Variants in TM9SF2 observed in about 807,000 individuals in gnomAD.
The protein encoded by TM9SF2 is 76 kDa membrane protein.
A neutral mutation model predicts 84.9 loss-of-function variants in TM9SF2; 13 were observed. The observed-to-expected ratio is 0.15, with a 90% CI of 0.10 to 0.24. TM9SF2 has a LOEUF of 0.24. TM9SF2 is among the 10% of genes least tolerant of loss of function. The pLI is 1.00. For synonymous variants in TM9SF2, 273 were observed against 285.8 expected, an observed-to-expected ratio of 0.96 and a Z score of 0.45; for missense variants, 562 against 818.5, an observed-to-expected ratio of 0.69 and a Z score of 3.82.
At chr13:99,552,490 TAGAG>T (rs971791379) in intron 13 of TM9SF2, among the ~76,000 whole-genome samples, 164 bp downstream of exon 13, 7 of 152,184 alleles carry the variant, frequency 4.6e-5, no homozygotes, top group African/African-American at 1.7e-4. Context: ...AGGAGCGTGG[TAGAG>T]AGGTTACAGA....
chr13:99,528,507 G>T (rs1157042290), intron 3 of TM9SF2, among the ~76,000 whole-genome samples: 1 of 152,198 alleles, frequency 6.6e-6, no homozygotes, highest in Non-Finnish European at 1.5e-5. Flanking sequence ...CTAATGAAGT[G>T]AGCACTGGAT....
rs2046351549 is a variant in TM9SF2 at position 99,563,184 on chromosome 13, C to G, written c.*426C>G. 1 of 154,348 alleles carries G rather than the reference C, an allele frequency of 6.5e-6. No individual in the cohort carries two copies. The highest frequency in any genetic ancestry group is 1.4e-5 in the Non-Finnish European group (1 of 69,616). The allele number at this position is 154,348 out of a possible 1,614,324, so 9.6% of individuals were successfully genotyped here. ...TTCTTTGAAGGAAATAACTTTTTAT[C>G]ATGGTAATTTTGAAGGATGATTCCT... is the stretch of plus-strand genomic sequence containing the variant. On this transcript the variant is annotated 3_prime_UTR_variant, in exon 17 of 17. Transcript: ENST00000376387.
chr13:99,558,356 T>G (rs4771336), intron 15 of TM9SF2, among the ~76,000 whole-genome samples: 106,350 of 152,144 alleles, frequency 0.7, 38,847 homozygotes, highest in Middle Eastern at 0.82. Flanking sequence ...CTGCAAAAAT[T>G]GAATCATTGG....
At chr13:99,504,017 G>A (rs1345518631) in intron 1 of TM9SF2, among the ~76,000 whole-genome samples, 1 of 152,216 alleles carries the variant, frequency 6.6e-6, no homozygotes, top group African/African-American at 2.4e-5. Flanking sequence ...AGAAGAGCAG[G>A]AGGGTGTACT....
rs771794251 is a variant in TM9SF2 at position 99,552,122 on chromosome 13, T to G, written c.1329-45T>G. The G allele has an allele frequency of 7.0e-6, 11 of 1,580,242 alleles. No individual in the cohort carries two copies. In the Admixed American group the frequency reaches 1.4e-4, roughly 20 times the overall value. ...ATATTAATTACATACTACTGTTGCA[T>G]TTTGTTATCTCTGGTTTTACCCAAA... On this transcript the variant is annotated intron_variant, in intron 12 of 16. Transcript: ENST00000376387.
At chr13:99,539,747 T>C (rs1307318547) in intron 7 of TM9SF2, among the ~76,000 whole-genome samples, 190 bp downstream of exon 7, 1 of 152,148 alleles carries the variant, frequency 6.6e-6, no homozygotes, top group East Asian at 1.9e-4. Flanking sequence ...TAAATGAGAA[T>C]ATAGAGGAAG....
rs765420381 is a variant in TM9SF2, at chr13:99,555,522, G to T, written c.1641-14G>T. The T allele has an allele frequency of 6.4e-7, 1 of 1,550,562 alleles. No homozygotes were observed. Among genetic ancestry groups the T allele is most frequent in the Non-Finnish European group, 8.9e-7 (1 of 1,123,526 alleles). On this transcript the variant is annotated splice_polypyrimidine_tract_variant and intron_variant, in intron 14 of 16. Coordinates refer to ENST00000376387, the MANE Select transcript of TM9SF2 (RefSeq NM_004800.3). ...AAAATATTTATAGTTCCTTCTTGAC[G>T]TGTTTGATTATAGGTCACACCAGAT...
At chr13:99,532,451 A>T (rs2046215022) in intron 4 of TM9SF2, among the ~76,000 whole-genome samples, 1 of 152,008 alleles carries the variant, frequency 6.6e-6, no homozygotes, top group Non-Finnish European at 1.5e-5. Flanking sequence ...GCATTTTGGG[A>T]GGCCAAGGCA....
intron 3 of TM9SF2, among the ~76,000 whole-genome samples, chr13:99,522,210 G>A (rs1269946012): frequency 6.6e-6 from 1 of 152,102 alleles, no homozygotes; most frequent in African/African-American, 2.4e-5. Context: ...TCGTAGAGAT[G>A]GGGTTTTGCC....
At chr13:99,524,294 G>A (rs751115903) in intron 3 of TM9SF2, among the ~76,000 whole-genome samples, 3 of 152,142 alleles carry the variant, frequency 2.0e-5, no homozygotes, top group Non-Finnish European at 4.4e-5. Context: ...ACTTGGGAAG[G>A]GTGAGGGGGT....
rs1313911179 is a variant in TM9SF2, at chr13:99,539,554, C to T, written c.825C>T (p.Phe275=). 20 of 1,569,096 alleles carry T rather than the reference C, an allele frequency of 1.3e-5. No homozygotes were observed. The highest frequency in any genetic ancestry group is 4.1e-5 in the African/African-American group (3 of 73,944). The change falls in exon 7 of 17, where the codon TTC becomes TTT. Residue 275 remains phenylalanine (F), a synonymous_variant. Transcript: ENST00000376387. ...TTGCCTATACTTACTCTGTTAGCTT[C>T]GAGGTGAGTCTGTTGTTATCTTTAG... ...IKIAYTYSVS[F]EEDDKIRWAS... is the part of the protein sequence containing the mutation.
intron 2 of TM9SF2, 62 bp downstream of exon 2, chr13:99,517,743 T>C: frequency 1.7e-6 from 2 of 1,179,362 alleles, no homozygotes; most frequent in South Asian, 3.0e-5. Flanking sequence ...TTTTGTACAT[T>C]GAGAACTTTG....
chr13:99,557,920 T>C (rs1329503337), intron 15 of TM9SF2, among the ~76,000 whole-genome samples: 1 of 152,200 alleles, frequency 6.6e-6, no homozygotes, highest in Non-Finnish European at 1.5e-5. Context: ...TTATGAAGAT[T>C]TACCCCCATG....
At position 99,554,440 on chromosome 13, in the gene TM9SF2, T is replaced by C; in HGVS notation, c.1625T>C (p.Ile542Thr). Residue 542 changes from isoleucine to threonine, a missense_variant, in exon 14 of 17, where the codon ATT (isoleucine) becomes ACT (threonine). Physicochemically the swap from Ile to Thr is moderately conservative, Grantham distance 89. Coordinates refer to ENST00000376387, the MANE Select transcript of TM9SF2 (RefSeq NM_004800.3). ...FGCIFIQLFFILNSIWSHQMY... is the reference protein window; with the variant it reads ...FGCIFIQLFFTLNSIWSHQMY... Reference sequence around the variant, plus strand: ...TGCATCTTTATACAACTTTTCTTCATTCTGAATAGTATTTGGTAAGCTAAG... The same window carrying C: ...TGCATCTTTATACAACTTTTCTTCACTCTGAATAGTATTTGGTAAGCTAAG... 6.2e-7 allele frequency: 1 copy of C among 1,614,134 alleles called. No individual in the cohort carries two copies. Among genetic ancestry groups the C allele is most frequent in the Non-Finnish European group, 8.5e-7 (1 of 1,179,990 alleles).
At chr13:99,539,994 A>C (rs965130124) in intron 7 of TM9SF2, among the ~76,000 whole-genome samples, 2 of 152,212 alleles carry the variant, frequency 1.3e-5, no homozygotes, top group African/African-American at 4.8e-5. Context: ...TTAAAATGCA[A>C]ATTCATTGTT....
Position 99,526,694 on chromosome 13 carries a change from G to T in TM9SF2, c.334-2773G>T, listed in dbSNP as rs114773462. On this transcript the variant is annotated intron_variant, in intron 3 of 16. Transcript: ENST00000376387. ...TTGAAATTGGATGAAGACCAGAGTC[G>T]CTGGAGGAGAGGGCAGAGGATCAAA... Among the ~76,000 whole-genome samples, 6 of 152,280 alleles carry T rather than the reference G, an allele frequency of 3.9e-5. No individual in the cohort carries two copies. The South Asian group carries it at 8.3e-4, about 21-fold the overall frequency.
At chr13:99,514,943 A>G (rs548485180) in intron 1 of TM9SF2, among the ~76,000 whole-genome samples, 1 of 152,394 alleles carries the variant, frequency 6.6e-6, no homozygotes, top group South Asian at 2.1e-4. Context: ...TCTGTTCTAC[A>G]GATCAGAACG....
intron 1 of TM9SF2, among the ~76,000 whole-genome samples, chr13:99,502,400 C>T (rs973402500): frequency 1.3e-5 from 2 of 152,094 alleles, no homozygotes; most frequent in African/African-American, 4.8e-5. Context: ...TAAAGAGTTG[C>T]TGTAATGGTT....
chr13:99,518,191 A>G (rs1462247749), intron 2 of TM9SF2, among the ~76,000 whole-genome samples: 1 of 152,208 alleles, frequency 6.6e-6, no homozygotes, highest in Non-Finnish European at 1.5e-5. Context: ...GGCTTGCTGC[A>G]ACCTCTGCCT....
Sources: gnomAD v4.1 joint callset for allele counts (sites outside exome capture counted in the v4.1 genomes callset) on GRCh38, gnomAD v4.1.1 for gene constraint, MANE v1.5 for transcripts, NCBI Gene and HGNC (gene_info 2026-07-23, HGNC 2026-07-21) for gene names.